Variants in SUMF1 observed in about 807,000 individuals in gnomAD.
SUMF1 encodes formylglycine-generating enzyme.
SUMF1 carries 48 observed loss-of-function variants against 47.6 expected under a neutral mutation model. That is an observed-to-expected ratio of 1.01 (90% CI 0.80 to 1.28). The LOEUF is 1.28. Among genes scored for constraint, SUMF1 ranks in the 50% most tolerant of loss-of-function variants. SUMF1 has a pLI of 0.00. For synonymous variants in SUMF1, 230 were observed against 192.1 expected (o/e 1.20, Z -1.63); for missense variants, 571 against 485.4 (o/e 1.18, Z -1.66).
intron 8 of SUMF1, among the ~76,000 whole-genome samples, chr3:4,102,263 A>T (rs1454107546): frequency 2.0e-5 from 3 of 152,166 alleles, no homozygotes; most frequent in Non-Finnish European, 4.4e-5. Context: ...GGAGGTTGTA[A>T]GAGATATCAA....
At chr3:4,344,866 C>G (rs1017706532) in intron 8 of SUMF1, among the ~76,000 whole-genome samples, 2 of 152,028 alleles carry the variant, frequency 1.3e-5, no homozygotes, top group Non-Finnish European at 2.9e-5. Flanking sequence ...AAAAACACAG[C>G]ACAAGTACTT....
intron 1 of SUMF1, among the ~76,000 whole-genome samples, chr3:4,460,037 G>C: frequency 6.6e-6 from 1 of 152,178 alleles, no homozygotes; most frequent in East Asian, 1.9e-4. Context: ...GAAAAAAGAA[G>C]AGGGGGATAA....
At chr3:4,177,864 C>T (rs1695001610) in intron 8 of SUMF1, among the ~76,000 whole-genome samples, 1 of 152,028 alleles carries the variant, frequency 6.6e-6, no homozygotes, top group Non-Finnish European at 1.5e-5. Context: ...GAGATATCAC[C>T]ACCAATCCCA....
chr3:4,202,208 T>G, intron 8 of SUMF1, among the ~76,000 whole-genome samples: 1 of 151,982 alleles, frequency 6.6e-6, no homozygotes, highest in Non-Finnish European at 1.5e-5. Context: ...TTTCTCCAAT[T>G]TTTTCTTTTC....
intron 3 of SUMF1, among the ~76,000 whole-genome samples, chr3:4,425,377 G>C (rs1702035723): frequency 1.3e-5 from 2 of 152,180 alleles, no homozygotes; most frequent in Admixed American, 1.3e-4. Flanking sequence ...ACCTGGTACA[G>C]AGTATTAGCT....
chr3:4,449,115 C>T (rs1441013612), intron 3 of SUMF1, 151 bp downstream of exon 3: 2 of 854,948 alleles, frequency 2.3e-6, no homozygotes, highest in Admixed American at 3.5e-5. Flanking sequence ...GTGTCCTGGT[C>T]CATGGGCCTA....
intron 9 of SUMF1, among the ~76,000 whole-genome samples, chr3:4,035,754 T>C (rs936859127): frequency 1.3e-5 from 2 of 152,182 alleles, no homozygotes; most frequent in African/African-American, 4.8e-5. Flanking sequence ...ATAAATATTT[T>C]GTAGGGTTGT....
intron 8 of SUMF1, among the ~76,000 whole-genome samples, chr3:4,097,690 A>G (rs1428995309): frequency 2.0e-5 from 3 of 152,176 alleles, no homozygotes; most frequent in African/African-American, 7.2e-5. Context: ...AATCTCTAGT[A>G]AAGACTCTCC....
chr3:4,138,068 T>A (rs900863911), intron 8 of SUMF1, among the ~76,000 whole-genome samples: 1 of 151,836 alleles, frequency 6.6e-6, no homozygotes, highest in African/African-American at 2.4e-5. Context: ...TATAATAGCA[T>A]CAAAAAAATA....
intron 8 of SUMF1, among the ~76,000 whole-genome samples, chr3:4,128,306 G>C (rs79725404): frequency 1.3e-5 from 2 of 152,106 alleles, no homozygotes; most frequent in African/African-American, 2.4e-5. Flanking sequence ...GAAAAATATT[G>C]GGCCCTGAAA....
chr3:4,090,460 C>A (rs1401103426), intron 8 of SUMF1, among the ~76,000 whole-genome samples: 3 of 152,042 alleles, frequency 2.0e-5, no homozygotes, highest in African/African-American at 7.3e-5. Flanking sequence ...CACCTTGTAC[C>A]CTGAGCTGCT....
At position 4,208,137 on chromosome 3, in the gene SUMF1, C is replaced by T. The variant is rs1695693359; in HGVS notation, c.1015-139392G>A. 2.6e-5 allele frequency among the ~76,000 whole-genome samples: 4 copies of T among 152,014 alleles called. 1 individual carries two copies. The South Asian group carries it at 8.3e-4, about 32-fold the overall frequency. On this transcript the variant is annotated intron_variant and NMD_transcript_variant, in intron 8 of 12. Coordinates refer to the SUMF1 transcript ENST00000448413. The stretch of plus-strand genomic sequence containing the variant: ...AACAATTTTATTATAGCCTAAATTG[C>T]TGGGGTTTTACCAGAGCCTACTTCA...
rs969000255 is a variant in SUMF1 at position 4,419,965 on chromosome 3, T to C, written c.602+99A>G. 1.5e-5 allele frequency: 14 copies of C among 938,852 alleles called. No homozygotes were observed. The African/African-American group carries it at 1.6e-4, about 11-fold the overall frequency. The allele number at this position is 938,852 out of a possible 1,614,324, so 58.2% of individuals were successfully genotyped here. On this transcript the variant is annotated intron_variant, in intron 4 of 8. Coordinates refer to ENST00000272902, the MANE Select transcript of SUMF1 (RefSeq NM_182760.4). ...CAATTACAGTTTGTCATTCTTATCA[T>C]TTTATAGATGAAGATGCCCACTGAG...
At position 4,428,042 on chromosome 3, in the gene SUMF1, T is replaced by C. The variant is rs370100927; in HGVS notation, c.520-7896A>G. Among the ~76,000 whole-genome samples, 294 of 152,320 alleles carry C rather than the reference T, an allele frequency of 1.9e-3. 1 individual carries two copies. The highest frequency in any genetic ancestry group is 6.2e-3 in the African/African-American group (259 of 41,576). ...CATCAAATAAGTAACTGTAAATTGGTATAACCTATCTTGAAAGCAATGTGA... is the reference window on the plus strand; with the variant it reads ...CATCAAATAAGTAACTGTAAATTGGCATAACCTATCTTGAAAGCAATGTGA... On this transcript the variant is annotated intron_variant, in intron 3 of 8. Transcript: ENST00000272902.
chr3:4,304,770 A>G (rs1218182300), intron 8 of SUMF1, among the ~76,000 whole-genome samples: 3 of 152,180 alleles, frequency 2.0e-5, no homozygotes, highest in Non-Finnish European at 4.4e-5. Context: ...ATCAAACTCT[A>G]AAATATTTGA....
chr3:4,416,302 A>G (rs546928960), intron 6 of SUMF1, among the ~76,000 whole-genome samples: 1 of 152,108 alleles, frequency 6.6e-6, no homozygotes, highest in East Asian at 1.9e-4. Flanking sequence ...TGTTCACTGT[A>G]GAAAAAAAAA....
At chr3:4,420,736 C>T (rs1366915339) in intron 3 of SUMF1, among the ~76,000 whole-genome samples, 2 of 151,908 alleles carry the variant, frequency 1.3e-5, no homozygotes, top group Non-Finnish European at 2.9e-5. Context: ...AGCCAATCCT[C>T]TATAATCTCT....
chr3:4,456,769 T>TATAC (rs2079632635), intron 1 of SUMF1, among the ~76,000 whole-genome samples: 1 of 132,700 alleles, frequency 7.5e-6, no homozygotes, highest in African/African-American at 2.8e-5. Context: ...TGTGTATATA[T>TATAC]ACACATATAT....
intron 8 of SUMF1, among the ~76,000 whole-genome samples, chr3:4,231,359 G>A (rs1696295231): frequency 6.6e-6 from 1 of 152,032 alleles, no homozygotes; most frequent in Non-Finnish European, 1.5e-5. Context: ...TAAATGCAAC[G>A]ACCTTAGAAA....
Sources: gnomAD v4.1 joint callset for allele counts (sites outside exome capture counted in the v4.1 genomes callset) on GRCh38, gnomAD v4.1.1 for gene constraint, MANE v1.5 for transcripts, NCBI Gene and HGNC (gene_info 2026-07-23, HGNC 2026-07-21) for gene names.